The following GALNT13 variants were observed in gnomAD, a reference collection of about 807,000 sequenced individuals.
GALNT13 encodes the protein UDP-GalNAc:polypeptide N-acetylgalactosaminyltransferase 13.
In GALNT13, 28 loss-of-function variants were observed where a neutral mutation model predicts 64.2. The observed-to-expected ratio is 0.44, with a 90% CI of 0.32 to 0.60. GALNT13 has a LOEUF of 0.60. Among genes scored for constraint, GALNT13 ranks in the 20% least tolerant of loss-of-function variants. GALNT13 has a pLI of 0.05. For missense variants in GALNT13, 577 were observed against 669.8 expected, an observed-to-expected ratio of 0.86 and a Z score of 1.53; for synonymous variants, 214 against 224.6, an observed-to-expected ratio of 0.95 and a Z score of 0.42.
chr2:154,158,364 T>C (rs2105655069), intron 4 of GALNT13, among the ~76,000 whole-genome samples: 1 of 152,292 alleles, frequency 6.6e-6, no homozygotes, highest in Admixed American at 6.5e-5. Flanking sequence ...ATCATCTCAT[T>C]AAAAATATTA....
intron 10 of GALNT13, among the ~76,000 whole-genome samples, chr2:154,401,451 C>CGG (rs1245285507): frequency 1.3e-5 from 2 of 152,096 alleles, no homozygotes; most frequent in Admixed American, 6.6e-5. Context: ...CTTGGGGACT[C>CGG]AGTAGCTAAT....
At chr2:154,328,945 A>G (rs1320263831) in intron 9 of GALNT13, among the ~76,000 whole-genome samples, 3 of 151,980 alleles carry the variant, frequency 2.0e-5, no homozygotes, top group African/African-American at 7.3e-5. Context: ...GACCATCAAT[A>G]TTTCTTCCTC....
intron 3 of GALNT13, among the ~76,000 whole-genome samples, chr2:153,969,454 A>C (rs1387578675): frequency 6.6e-6 from 1 of 152,092 alleles, no homozygotes; most frequent in African/African-American, 2.4e-5. Context: ...CAATATAGAA[A>C]AATAGAAGAA....
At chr2:154,054,346 T>C (rs1236572722) in intron 3 of GALNT13, among the ~76,000 whole-genome samples, 1 of 152,078 alleles carries the variant, frequency 6.6e-6, no homozygotes, top group Non-Finnish European at 1.5e-5. Flanking sequence ...AAATAATTCA[T>C]TTTTATTTTT....
At chr2:154,016,549 G>T (rs1010955446) in intron 3 of GALNT13, among the ~76,000 whole-genome samples, 4 of 151,922 alleles carry the variant, frequency 2.6e-5, no homozygotes, top group Non-Finnish European at 4.4e-5. Flanking sequence ...TCCCCAGTAG[G>T]TGGGACTACA....
intron 8 of GALNT13, among the ~76,000 whole-genome samples, chr2:154,276,623 C>T (rs777543856): frequency 7.2e-5 from 11 of 152,168 alleles, no homozygotes; most frequent in Admixed American, 6.5e-4. Context: ...ATTGGGAATG[C>T]ATGATTGCTT....
At chr2:153,544,957 G>A in the GALNT13 span, among the ~76,000 whole-genome samples, 21 of 152,296 alleles carry the variant, frequency 1.4e-4, no homozygotes, top group African/African-American at 4.6e-4. Context: ...GCAAACATTC[G>A]TAAGGGAGGG....
At chr2:153,320,946 G>A in the GALNT13 span, among the ~76,000 whole-genome samples, 6 of 152,204 alleles carry the variant, frequency 3.9e-5, no homozygotes, top group Admixed American at 3.9e-4. Flanking sequence ...ATCAAATTGA[G>A]CCAAATCTGG....
intron 3 of GALNT13, among the ~76,000 whole-genome samples, chr2:153,996,833 A>G (rs973739894): frequency 1.3e-5 from 2 of 151,964 alleles, no homozygotes; most frequent in South Asian, 4.1e-4. Flanking sequence ...ATCCATTTTG[A>G]GTTCATTTTT....
the GALNT13 span, among the ~76,000 whole-genome samples, chr2:153,376,789 T>C: frequency 6.6e-6 from 1 of 152,164 alleles, no homozygotes; most frequent in African/African-American, 2.4e-5. Context: ...ATGCAATTCA[T>C]TTATTTATTC....
At chr2:153,197,731 T>A in the GALNT13 span, among the ~76,000 whole-genome samples, 1 of 152,168 alleles carries the variant, frequency 6.6e-6, no homozygotes, top group East Asian at 1.9e-4. Context: ...GCCCTCCTGC[T>A]TGGGAGGACA....
At chr2:153,972,191 G>GT (rs950276006) in intron 3 of GALNT13, among the ~76,000 whole-genome samples, 16 of 152,086 alleles carry the variant, frequency 1.1e-4, no homozygotes, top group African/African-American at 2.7e-4. Flanking sequence ...TGTTTCTGTT[G>GT]TTTTTTTGCC....
At chr2:153,598,209 A>T in the GALNT13 span, among the ~76,000 whole-genome samples, 1 of 152,146 alleles carries the variant, frequency 6.6e-6, no homozygotes, top group Admixed American at 6.6e-5. Context: ...AAATTTTAGT[A>T]TGACCAGATA....
intron 3 of GALNT13, among the ~76,000 whole-genome samples, chr2:153,975,627 A>C (rs1694026499): frequency 6.6e-6 from 1 of 152,140 alleles, no homozygotes; most frequent in East Asian, 1.9e-4. Flanking sequence ...AAACTGAAAA[A>C]AAATAACAAT....
At chr2:153,172,562 C>T in the GALNT13 span, among the ~76,000 whole-genome samples, 1 of 152,072 alleles carries the variant, frequency 6.6e-6, no homozygotes, top group Non-Finnish European at 1.5e-5. Context: ...TGGAGGAGAA[C>T]AGGTCATGAG....
At chr2:153,758,049 A>G in the GALNT13 span, among the ~76,000 whole-genome samples, 1 of 152,126 alleles carries the variant, frequency 6.6e-6, no homozygotes, top group South Asian at 2.1e-4. Context: ...AACGTAAAAC[A>G]TTGTCCAGAC....
intron 9 of GALNT13, among the ~76,000 whole-genome samples, chr2:154,365,007 G>A (rs1471364511): frequency 6.6e-6 from 1 of 152,110 alleles, no homozygotes; most frequent in African/African-American, 2.4e-5. Flanking sequence ...TTGCATTCTT[G>A]TACTTTTTGC....
chr2:154,417,423 T>C (rs1426699023), intron 11 of GALNT13, among the ~76,000 whole-genome samples: 1 of 151,834 alleles, frequency 6.6e-6, no homozygotes, highest in Non-Finnish European at 1.5e-5. Flanking sequence ...AAATTGTTAT[T>C]GTTAGTTGTT....
intron 3 of GALNT13, among the ~76,000 whole-genome samples, chr2:154,132,137 C>T (rs1682653657): frequency 6.6e-6 from 1 of 152,128 alleles, no homozygotes; most frequent in Non-Finnish European, 1.5e-5. Context: ...TCTCCTTTGG[C>T]CACACCCTCA....
Sources: allele counts gnomAD v4.1 joint callset (sites outside exome capture counted in the v4.1 genomes callset), GRCh38; gene constraint gnomAD v4.1.1; transcripts MANE v1.5; gene names NCBI Gene and HGNC (gene_info 2026-07-23, HGNC 2026-07-21).